The following TEC variants were observed in gnomAD, a reference collection of about 807,000 sequenced individuals.
TEC encodes the protein tec protein tyrosine kinase, also known as tyrosine-protein kinase Tec.
A neutral mutation model predicts 93.0 loss-of-function variants in TEC; 72 were observed. The observed-to-expected ratio is 0.77, with a 90% CI of 0.64 to 0.94. TEC has a LOEUF of 0.94. Ranked by LOEUF, TEC falls within the 40% of genes least tolerant of loss-of-function variation. The pLI is 0.00. For synonymous variants in TEC, 249 were observed against 247.7 expected (o/e 1.01, Z -0.05); for missense variants, 630 against 757.9 (o/e 0.83, Z 1.98).
intron 2 of TEC, among the ~76,000 whole-genome samples, chr4:48,191,356 C>T (rs147366207): frequency 6.6e-6 from 1 of 152,132 alleles, no homozygotes; most frequent in Admixed American, 6.5e-5. Context: ...ATATTATATA[C>T]TCTCTAATTT....
intron 17 of TEC, 131 bp from the exon 18 acceptor site, chr4:48,137,630 C>T: frequency 1.4e-6 from 1 of 708,410 alleles, no homozygotes; most frequent in Non-Finnish European, 2.4e-6. Flanking sequence ...ATACAGGCAT[C>T]TCCAAAGGGG....
Position 48,141,492 on chromosome 4 carries a change from T to C in TEC, c.1471-73A>G, listed in dbSNP as rs1017664948. 1.9e-5 allele frequency: 28 copies of C among 1,437,448 alleles called. No individual in the cohort carries two copies. In the East Asian group the frequency reaches 6.8e-4, roughly 35 times the overall value. 89.0% of individuals were successfully genotyped at this position (1,437,448 alleles called of 1,614,324 possible). ...TTAAGTAGGAAAATGTAAGTTCTAT[T>C]TATATTAAATTTAGTGTAACCTAGT... On this transcript the variant is annotated intron_variant, in intron 14 of 17. Coordinates refer to ENST00000381501, the MANE Select transcript of TEC (RefSeq NM_003215.3).
chr4:48,225,458 T>C (rs1238431587), intron 2 of TEC, among the ~76,000 whole-genome samples: 3 of 152,210 alleles, frequency 2.0e-5, no homozygotes, highest in Non-Finnish European at 4.4e-5. Context: ...ATTACAGGCA[T>C]GAGCCACCAC....
intron 2 of TEC, among the ~76,000 whole-genome samples, chr4:48,203,347 A>G (rs1265824838): frequency 7.0e-6 from 1 of 143,300 alleles, no homozygotes; most frequent in African/African-American, 2.5e-5. Flanking sequence ...CCTGGGTGAC[A>G]GAGCAAGACT....
At chr4:48,238,034 C>T (rs1485834222) in intron 1 of TEC, among the ~76,000 whole-genome samples, 1 of 152,104 alleles carries the variant, frequency 6.6e-6, no homozygotes, top group Non-Finnish European at 1.5e-5. Context: ...TATTCTTCTG[C>T]AATATATACT....
intron 1 of TEC, among the ~76,000 whole-genome samples, chr4:48,231,405 T>C (rs1410149176): frequency 6.6e-6 from 1 of 152,214 alleles, no homozygotes; most frequent in Admixed American, 6.5e-5. Flanking sequence ...ATACCATTTC[T>C]CTGGAAATTA....
chr4:48,189,736 T>C (rs1051280431), intron 2 of TEC, among the ~76,000 whole-genome samples: 6 of 152,264 alleles, frequency 3.9e-5, no homozygotes, highest in African/African-American at 1.4e-4. Context: ...TCATAGTATC[T>C]GATTTAACCC....
intron 7 of TEC, among the ~76,000 whole-genome samples, chr4:48,167,056 G>C (rs549008343): frequency 6.6e-6 from 1 of 151,878 alleles, no homozygotes; most frequent in Non-Finnish European, 1.5e-5. Flanking sequence ...CACTGCAGAG[G>C]TAAACACAGG....
chr4:48,198,144 T>C (rs1251465235), intron 2 of TEC, among the ~76,000 whole-genome samples: 9 of 152,176 alleles, frequency 5.9e-5, no homozygotes. Context: ...GAGTTTCCAC[T>C]TTTCATCTGA....
chr4:48,217,253 G>A (rs1247705634), intron 2 of TEC, among the ~76,000 whole-genome samples: 14 of 152,208 alleles, frequency 9.2e-5, no homozygotes, highest in Non-Finnish European at 4.4e-5. Context: ...ACAGGTGCCC[G>A]CCACCATGCC....
At chr4:48,168,557 T>G (rs202167744) in intron 6 of TEC, 29 bp downstream of exon 6, 13 of 1,608,560 alleles carry the variant, frequency 8.1e-6, no homozygotes, top group African/African-American at 1.3e-5. Context: ...AATGTAAAGA[T>G]TAACTATCAA....
chr4:48,195,724 T>C (rs1441987927), intron 2 of TEC, among the ~76,000 whole-genome samples: 1 of 152,232 alleles, frequency 6.6e-6, no homozygotes, highest in Non-Finnish European at 1.5e-5. Context: ...GCTGCAATGT[T>C]GTACTCTTTG....
intron 2 of TEC, among the ~76,000 whole-genome samples, chr4:48,225,671 T>C (rs916248139): frequency 2.0e-5 from 3 of 152,200 alleles, no homozygotes; most frequent in East Asian, 1.9e-4. Flanking sequence ...ACTTTTGTTA[T>C]TTTAAGAAGC....
intron 2 of TEC, among the ~76,000 whole-genome samples, chr4:48,195,411 C>T (rs1560402940): frequency 6.6e-6 from 1 of 152,124 alleles, no homozygotes; most frequent in African/African-American, 2.4e-5. Context: ...AGAGATGGCA[C>T]ATTTCTTAAT....
chr4:48,180,658 G>T (rs1011848976), intron 2 of TEC, among the ~76,000 whole-genome samples: 1 of 152,178 alleles, frequency 6.6e-6, no homozygotes, highest in African/African-American at 2.4e-5. Context: ...GGAACAGAAA[G>T]AAATTCACTG....
chr4:48,217,229 G>T (rs1453425270), intron 2 of TEC, among the ~76,000 whole-genome samples: 1 of 151,954 alleles, frequency 6.6e-6, no homozygotes, highest in Admixed American at 6.6e-5. Flanking sequence ...TCAGCCTCCC[G>T]AGTAGTTGGG....
At chr4:48,178,070 C>T (rs142195580) in intron 2 of TEC, among the ~76,000 whole-genome samples, 6 of 152,246 alleles carry the variant, frequency 3.9e-5, no homozygotes, top group South Asian at 2.1e-4. Context: ...TCCCCAGTTC[C>T]GTCCACACCT....
chr4:48,165,313 T>C (rs952537617), intron 7 of TEC, among the ~76,000 whole-genome samples: 21 of 152,328 alleles, frequency 1.4e-4, no homozygotes, highest in African/African-American at 4.6e-4. Flanking sequence ...TTCTGAAAAC[T>C]AGTAAAAGTT....
intron 2 of TEC, among the ~76,000 whole-genome samples, chr4:48,186,414 G>A (rs1323796781): frequency 1.3e-5 from 2 of 151,788 alleles, no homozygotes; most frequent in Non-Finnish European, 2.9e-5. Flanking sequence ...GAAGTGAGGA[G>A]TGTCTCTGCC....
Sources: gnomAD v4.1 joint callset for allele counts (sites outside exome capture counted in the v4.1 genomes callset) on GRCh38, gnomAD v4.1.1 for gene constraint, MANE v1.5 for transcripts, NCBI Gene and HGNC (gene_info 2026-07-23, HGNC 2026-07-21) for gene names.